Variants in GRIK2 observed in about 807,000 individuals in gnomAD.
GRIK2 encodes glutamate receptor ionotropic, kainate 2.
GRIK2 carries 32 observed loss-of-function variants against 100.3 expected under a neutral mutation model. The ratio of observed to expected loss-of-function variants is 0.32; its 90% CI spans 0.24 to 0.43. The LOEUF is 0.43. Ranked by LOEUF, GRIK2 falls within the 20% of genes least tolerant of loss-of-function variation. The pLI is 1.00. For synonymous variants in GRIK2, 417 were observed against 389.4 expected (o/e 1.07, Z -0.83); for missense variants, 843 against 1,114.9 (o/e 0.76, Z 3.47).
At chr6:101,653,823 G>T (rs529462083) in intron 4 of GRIK2, among the ~76,000 whole-genome samples, 2 of 152,066 alleles carry the variant, frequency 1.3e-5, no homozygotes, top group Admixed American at 1.3e-4. Flanking sequence ...GTTTCACTAT[G>T]TCGGCCAGGC....
chr6:101,442,418 C>T (rs931428309), intron 2 of GRIK2, among the ~76,000 whole-genome samples: 4 of 135,994 alleles, frequency 2.9e-5, no homozygotes, highest in Non-Finnish European at 5.0e-5. Flanking sequence ...CAAGGTTTCA[C>T]CCCATCCTGC....
intron 12 of GRIK2, among the ~76,000 whole-genome samples, chr6:101,908,940 A>T (rs1329349725): frequency 2.0e-5 from 3 of 151,270 alleles, no homozygotes; most frequent in Non-Finnish European, 4.4e-5. Context: ...TGAAAGACAT[A>T]CTAGAGATCA....
At chr6:101,908,299 A>T (rs143817392) in intron 12 of GRIK2, among the ~76,000 whole-genome samples, 1,352 of 7,974 alleles carry the variant, frequency 0.17, 17 homozygotes, top group African/African-American at 0.35. Flanking sequence ...AGTACATTAA[A>T]ATTAATGGCA....
chr6:101,624,015 T>G (rs1780309137), intron 3 of GRIK2, among the ~76,000 whole-genome samples: 1 of 152,092 alleles, frequency 6.6e-6, no homozygotes, highest in Non-Finnish European at 1.5e-5. Flanking sequence ...ATGTAATTAT[T>G]TATCCAATGC....
intron 11 of GRIK2, among the ~76,000 whole-genome samples, chr6:101,863,418 G>C (rs1044566984): frequency 3.9e-5 from 6 of 152,116 alleles, no homozygotes; most frequent in Admixed American, 3.3e-4. Context: ...TGCTGGGGCT[G>C]TACTCCAAAA....
chr6:101,510,944 G>T (rs1219905204), intron 2 of GRIK2, among the ~76,000 whole-genome samples: 1 of 152,138 alleles, frequency 6.6e-6, no homozygotes, highest in South Asian at 2.1e-4. Flanking sequence ...AAAATGATCG[G>T]CCAAAAGATG....
At chr6:101,955,063 T>C (rs1791830190) in intron 14 of GRIK2, among the ~76,000 whole-genome samples, 1 of 152,162 alleles carries the variant, frequency 6.6e-6, no homozygotes, top group East Asian at 1.9e-4. Flanking sequence ...TTGGTCTTGG[T>C]GTATAATTAT....
intron 4 of GRIK2, among the ~76,000 whole-genome samples, chr6:101,645,369 T>C (rs933625174): frequency 6.6e-6 from 1 of 151,828 alleles, no homozygotes; most frequent in East Asian, 1.9e-4. Flanking sequence ...TCAGTAGCTA[T>C]TGTGTTATAA....
intron 14 of GRIK2, among the ~76,000 whole-genome samples, chr6:101,961,805 TG>T (rs1273801423): frequency 6.6e-6 from 1 of 152,122 alleles, no homozygotes; most frequent in Non-Finnish European, 1.5e-5. Flanking sequence ...TGGTCCTTTC[TG>T]GTTGCTGCTG....
intron 2 of GRIK2, among the ~76,000 whole-genome samples, chr6:101,577,960 G>C (rs1777869125): frequency 6.6e-6 from 1 of 152,092 alleles, no homozygotes; most frequent in Non-Finnish European, 1.5e-5. Flanking sequence ...TTGAAGTCTA[G>C]ATCACAAACT....
intron 10 of GRIK2, among the ~76,000 whole-genome samples, chr6:101,852,288 T>C (rs1784179242): frequency 6.6e-6 from 1 of 152,158 alleles, no homozygotes; most frequent in Non-Finnish European, 1.5e-5. Context: ...CTTTATTTTT[T>C]TCCCATTCCA....
At position 101,799,679 on chromosome 6, in the gene GRIK2, A is replaced by C. The variant is rs747214806; in HGVS notation, c.983A>C (p.His328Pro). The C allele has an allele frequency of 6.2e-7, 1 of 1,612,930 alleles. No individual in the cohort carries two copies. The highest frequency in any genetic ancestry group is 8.5e-7 in the Non-Finnish European group (1 of 1,179,244). The change falls in exon 8 of 17, where the codon CAT (histidine) becomes CCT (proline). Residue 328 changes from histidine (H) to proline (P), a missense_variant. Physicochemically the swap from His to Pro is moderately conservative, Grantham distance 77. Coordinates refer to ENST00000369134, the MANE Select transcript of GRIK2 (RefSeq NM_021956.5). ...TDAALMYDAV[H>P]VVSVAVQQFP... ...GCTGCTCTAATGTATGATGCTGTGC[A>C]TGTGGTGTCTGTGGCCGTTCAACAG...
In GRIK2 at chr6:101,778,259, A is replaced by G. The variant is rs184003750; in HGVS notation, c.952-21389A>G. On this transcript the variant is annotated intron_variant, in intron 7 of 16. Coordinates refer to ENST00000369134, the MANE Select transcript of GRIK2 (RefSeq NM_021956.5). The stretch of plus-strand genomic sequence containing the variant: ...AATTAGTGATGTTTAATTTGCTAGG[A>G]TTCTAGATAGTTCTAGAATAAAATG... 2.0e-5 allele frequency among the ~76,000 whole-genome samples: 3 copies of G among 152,290 alleles called. No homozygotes were observed. The East Asian group carries it at 5.8e-4, about 29-fold the overall frequency.
chr6:101,656,735 A>G (rs1302155951), intron 4 of GRIK2, among the ~76,000 whole-genome samples: 1 of 152,220 alleles, frequency 6.6e-6, no homozygotes, highest in Admixed American at 6.5e-5. Flanking sequence ...GAAGGTACCA[A>G]TATAACCAAA....
chr6:101,557,294 G>A (rs187527422), intron 2 of GRIK2, among the ~76,000 whole-genome samples: 39 of 152,212 alleles, frequency 2.6e-4, no homozygotes, highest in East Asian at 1.7e-3. Context: ...CTCAATCAGC[G>A]TAAGATCCTG....
At chr6:101,645,833 G>C (rs776032031) in intron 4 of GRIK2, among the ~76,000 whole-genome samples, 13 of 151,808 alleles carry the variant, frequency 8.6e-5, no homozygotes, top group Non-Finnish European at 1.5e-4. Context: ...ATGCATCAGT[G>C]CACATTTATG....
At chr6:101,496,593 AC>A (rs1018683804) in intron 2 of GRIK2, among the ~76,000 whole-genome samples, 1 of 152,208 alleles carries the variant, frequency 6.6e-6, no homozygotes, top group African/African-American at 2.4e-5. Flanking sequence ...ATTTTCAGTG[AC>A]CAAGATAAAC....
chr6:101,979,285 AT>A (rs1412308791), intron 14 of GRIK2, among the ~76,000 whole-genome samples: 4 of 151,916 alleles, frequency 2.6e-5, no homozygotes, highest in Non-Finnish European at 5.9e-5. Context: ...ATAACATGAG[AT>A]TTTAAAGCAT....
intron 15 of GRIK2, among the ~76,000 whole-genome samples, chr6:102,038,384 C>T (rs975760664): frequency 6.6e-6 from 1 of 151,250 alleles, no homozygotes; most frequent in Admixed American, 6.6e-5. Flanking sequence ...TATATTACTA[C>T]CATTTTCTCC....
Sources: allele counts gnomAD v4.1 joint callset (sites outside exome capture counted in the v4.1 genomes callset), GRCh38; gene constraint gnomAD v4.1.1; transcripts MANE v1.5; gene names NCBI Gene and HGNC (gene_info 2026-07-23, HGNC 2026-07-21).